The following CNTN5 variants were observed in gnomAD, a reference collection of about 807,000 sequenced individuals.
CNTN5 encodes the protein contactin 5.
CNTN5 carries 77 observed loss-of-function variants against 129.1 expected under a neutral mutation model. The observed-to-expected ratio is 0.60, with a 90% CI of 0.50 to 0.72. The LOEUF (loss-of-function observed/expected upper bound fraction) is 0.72. Ranked by LOEUF, CNTN5 falls within the 30% of genes least tolerant of loss-of-function variation. CNTN5 has a pLI of 0.00. For synonymous variants in CNTN5, 509 were observed against 465.6 expected (o/e 1.09, Z -1.20); for missense variants, 1,478 against 1,328.8 (o/e 1.11, Z -1.75).
At chr11:99,382,367 G>A (rs762333756) in intron 2 of CNTN5, among the ~76,000 whole-genome samples, 2 of 152,078 alleles carry the variant, frequency 1.3e-5, no homozygotes, top group Non-Finnish European at 2.9e-5. Flanking sequence ...AAACTCATGG[G>A]GAAGCACGGA....
intron 2 of CNTN5, among the ~76,000 whole-genome samples, chr11:99,523,259 T>C (rs1947335753): frequency 6.6e-6 from 1 of 152,186 alleles, no homozygotes; most frequent in African/African-American, 2.4e-5. Flanking sequence ...TCACACTGTA[T>C]TTGAACATAC....
chr11:99,912,181 G>A (rs935014649), intron 6 of CNTN5, among the ~76,000 whole-genome samples: 1 of 151,904 alleles, frequency 6.6e-6, no homozygotes, highest in Non-Finnish European at 1.5e-5. Context: ...AGGAAGGGAG[G>A]GAAAGGGAAG....
chr11:99,685,640 T>C (rs935427523), intron 3 of CNTN5, among the ~76,000 whole-genome samples: 1 of 152,046 alleles, frequency 6.6e-6, no homozygotes, highest in African/African-American at 2.4e-5. Context: ...TCTTGTCTGA[T>C]AGCATAGATA....
chr11:99,732,290 G>C (rs760364978), intron 3 of CNTN5, among the ~76,000 whole-genome samples: 7 of 152,098 alleles, frequency 4.6e-5, no homozygotes, highest in Non-Finnish European at 1.0e-4. Context: ...AATGATATCA[G>C]GGGTGATGAG....
intron 1 of CNTN5, 128 bp downstream of exon 1, chr11:99,021,398 TA>T (rs1862864186): frequency 6.6e-6 from 1 of 152,180 alleles, no homozygotes; most frequent in African/African-American, 2.4e-5. Context: ...TGCCAGAATG[TA>T]AAAACTGTAA....
chr11:99,025,602 T>A (rs1399069958), intron 1 of CNTN5, among the ~76,000 whole-genome samples: 1 of 151,722 alleles, frequency 6.6e-6, no homozygotes, highest in Non-Finnish European at 1.5e-5. Context: ...TGAGTTATAA[T>A]ATTGGCAGAA....
At chr11:99,863,943 G>C (rs1029445129) in intron 6 of CNTN5, among the ~76,000 whole-genome samples, 1 of 152,054 alleles carries the variant, frequency 6.6e-6, no homozygotes, top group African/African-American at 2.4e-5. Context: ...ATCTTGGGCA[G>C]GTTGTTTTCT....
chr11:99,726,944 G>T (rs764408484), intron 3 of CNTN5, among the ~76,000 whole-genome samples: 2 of 152,024 alleles, frequency 1.3e-5, no homozygotes, highest in African/African-American at 4.8e-5. Context: ...TTACATAAAA[G>T]ATAATAGAAA....
chr11:100,189,853 T>G (rs937400125), intron 13 of CNTN5, among the ~76,000 whole-genome samples: 2 of 152,172 alleles, frequency 1.3e-5, no homozygotes, highest in Non-Finnish European at 2.9e-5. Context: ...AGTTTGACTT[T>G]TTTTCTAAAT....
intron 2 of CNTN5, among the ~76,000 whole-genome samples, chr11:99,495,238 C>A (rs1946181148): frequency 6.6e-6 from 1 of 152,004 alleles, no homozygotes; most frequent in Non-Finnish European, 1.5e-5. Context: ...TATGGTGGTG[C>A]ACACCTGTAA....
intron 4 of CNTN5, among the ~76,000 whole-genome samples, chr11:99,823,027 A>G (rs76088166): frequency 0.059 from 9,046 of 152,286 alleles, 386 homozygotes; most frequent in Middle Eastern, 0.14. Flanking sequence ...ACTCAGTTCA[A>G]CACCCCTAAG....
chr11:99,215,862 A>AT lies in CNTN5; in HGVS notation c.-209-109477dup, dbSNP rs200712176. ...TCTGGTGAGATGCTTAAGCATCTGC[A>AT]TTTTTTTCACTTTTAATTTTGTTAT... is the stretch of plus-strand genomic sequence containing the variant. On this transcript the variant is annotated intron_variant, in intron 1 of 24. Transcript: ENST00000524871. Among the ~76,000 whole-genome samples the AT allele has an allele frequency of 2.4e-3, 361 of 152,128 alleles. 1 individual carries two copies. Among genetic ancestry groups the AT allele is most frequent in the African/African-American group, 8.3e-3 (344 of 41,508 alleles).
At chr11:99,210,835 T>C (rs530445328) in intron 1 of CNTN5, among the ~76,000 whole-genome samples, 3 of 149,230 alleles carry the variant, frequency 2.0e-5, no homozygotes, top group Admixed American at 2.0e-4. Flanking sequence ...TCCTTGATCA[T>C]ATGCTCTAGA....
At chr11:99,922,083 A>C (rs1949953055) in intron 7 of CNTN5, among the ~76,000 whole-genome samples, 1 of 152,150 alleles carries the variant, frequency 6.6e-6, no homozygotes, top group South Asian at 2.1e-4. Context: ...ATTTATAAAG[A>C]AAAAGAGGTT....
At chr11:99,767,515 G>C (rs1944794441) in intron 3 of CNTN5, among the ~76,000 whole-genome samples, 1 of 151,886 alleles carries the variant, frequency 6.6e-6, no homozygotes, top group South Asian at 2.1e-4. Context: ...TATGTGTTTT[G>C]TAAGAGATAG....
intron 2 of CNTN5, among the ~76,000 whole-genome samples, chr11:99,403,470 C>G (rs1427637460): frequency 6.6e-6 from 1 of 151,826 alleles, no homozygotes; most frequent in Non-Finnish European, 1.5e-5. Context: ...AAGTTTTTCT[C>G]CTTTTTGATG....
At chr11:99,712,297 A>G (rs1402111552) in intron 3 of CNTN5, among the ~76,000 whole-genome samples, 1 of 152,084 alleles carries the variant, frequency 6.6e-6, no homozygotes, top group East Asian at 1.9e-4. Context: ...GTGTCTGTTC[A>G]CATCCTTTGC....
chr11:99,920,283 C>T (rs890492575), intron 7 of CNTN5, among the ~76,000 whole-genome samples: 6 of 152,118 alleles, frequency 3.9e-5, no homozygotes, highest in Non-Finnish European at 8.8e-5. Flanking sequence ...TCTCCTCAAA[C>T]TCTTAATTTT....
chr11:99,361,706 A>G (rs1322961309), intron 2 of CNTN5, among the ~76,000 whole-genome samples: 1 of 152,030 alleles, frequency 6.6e-6, no homozygotes, highest in African/African-American at 2.4e-5. Flanking sequence ...TTTACCTTCT[A>G]GGTTCCTCAT....
Sources: gnomAD v4.1 joint callset for allele counts (sites outside exome capture counted in the v4.1 genomes callset) on GRCh38, gnomAD v4.1.1 for gene constraint, MANE v1.5 for transcripts, NCBI Gene and HGNC (gene_info 2026-07-23, HGNC 2026-07-21) for gene names.